Variants in CEP290 observed in about 807,000 individuals in gnomAD.
CEP290 encodes the protein centrosomal protein of 290 kDa.
In CEP290, 317 loss-of-function variants were observed where a neutral mutation model predicts 344.9. That is an observed-to-expected ratio of 0.92 (90% CI 0.84 to 1.01). The LOEUF is 1.01. Ranked by LOEUF, CEP290 falls within the 50% of genes least tolerant of loss-of-function variation. The pLI is 0.00. For missense variants in CEP290, 2,754 were observed against 2,761.4 expected (o/e 1.00, Z 0.06); for synonymous variants, 932 against 895.8 (o/e 1.04, Z -0.72).
chr12:88,050,003 C>G (rs1375430997), intron 53 of CEP290: 1 of 187,028 alleles, frequency 5.3e-6, no homozygotes, highest in African/African-American at 2.4e-5. Context: ...AGAGGTAAAA[C>G]AGCAAATATT....
At chr12:88,139,601 A>C (rs1446794910) in intron 3 of CEP290, 37 bp from the exon 4 acceptor site, 1 of 1,390,888 alleles carries the variant, frequency 7.2e-7, no homozygotes, top group Non-Finnish European at 9.5e-7. Flanking sequence ...ATATGCCTTT[A>C]TACTGGAATG....
chr12:88,101,480 C>CAAA (rs762783922), intron 26 of CEP290, among the ~76,000 whole-genome samples: 17 of 44,216 alleles, frequency 3.8e-4, no homozygotes, highest in Non-Finnish European at 5.8e-4. Context: ...GACTCTGCCT[C>CAAA]AAAAAAAAAA....
intron 20 of CEP290, among the ~76,000 whole-genome samples, chr12:88,113,773 T>C (rs1443898674): frequency 1.6e-4 from 25 of 151,912 alleles, no homozygotes; most frequent in Admixed American, 1.6e-3. Context: ...GGCTAAATCT[T>C]TCTTGTAGCA....
At chr12:88,055,934 T>C (rs2033966766) in intron 49 of CEP290, among the ~76,000 whole-genome samples, 2 of 152,134 alleles carry the variant, frequency 1.3e-5, no homozygotes, top group African/African-American at 4.8e-5. Flanking sequence ...AATAAAGGAT[T>C]TGGGTATTTT....
intron 26 of CEP290, among the ~76,000 whole-genome samples, chr12:88,102,517 C>A (rs1344722333): frequency 2.0e-5 from 3 of 152,098 alleles, no homozygotes; most frequent in Admixed American, 6.5e-5. Flanking sequence ...CTGTTTCATG[C>A]TCCTTTTTCT....
intron 20 of CEP290, among the ~76,000 whole-genome samples, chr12:88,112,898 G>A (rs1278390869): frequency 6.6e-6 from 1 of 152,058 alleles, no homozygotes; most frequent in African/African-American, 2.4e-5. Flanking sequence ...GAATAGTGCC[G>A]TGTCTACATG....
intron 29 of CEP290, 148 bp downstream of exon 29, chr12:88,092,533 C>A (rs2037129877): frequency 3.5e-6 from 2 of 573,926 alleles, no homozygotes; most frequent in Non-Finnish European, 5.6e-6. Context: ...CCTGTTAAAA[C>A]CGATCTTAAT....
At chr12:88,139,225 T>C in intron 4 of CEP290, 34 bp from the exon 5 acceptor site, 3 of 874,092 alleles carry the variant, frequency 3.4e-6, no homozygotes, top group Non-Finnish European at 5.1e-6. Flanking sequence ...AACGTTTTAA[T>C]TGATTAGTTA....
At chr12:88,101,981 A>G (rs2037926743) in intron 26 of CEP290, among the ~76,000 whole-genome samples, 1 of 152,186 alleles carries the variant, frequency 6.6e-6, no homozygotes, top group African/African-American at 2.4e-5. Flanking sequence ...GCTACTCAGA[A>G]CAACGTTTTC....
intron 26 of CEP290, among the ~76,000 whole-genome samples, chr12:88,098,323 G>T (rs574651982): frequency 7.2e-6 from 1 of 139,590 alleles, no homozygotes; most frequent in Non-Finnish European, 1.6e-5. Context: ...AAAAAAGTCA[G>T]TATCGACCAG....
At chr12:88,071,010 G>A (rs1257887331) in intron 43 of CEP290, among the ~76,000 whole-genome samples, 3 of 152,134 alleles carry the variant, frequency 2.0e-5, no homozygotes, top group Non-Finnish European at 4.4e-5. Flanking sequence ...AAATGAGGTT[G>A]GAACTTGTGG....
intron 37 of CEP290, among the ~76,000 whole-genome samples, chr12:88,080,632 G>A (rs2036133238): frequency 6.6e-6 from 1 of 152,106 alleles, no homozygotes; most frequent in Non-Finnish European, 1.5e-5. Context: ...GTTTCACCAT[G>A]TTGGCCAGGC....
intron 40 of CEP290, 48 bp from the exon 41 acceptor site, chr12:88,077,392 A>G: frequency 8.3e-7 from 1 of 1,210,006 alleles, no homozygotes. Context: ...AATGTAAAAC[A>G]AAATAGACAG....
intron 20 of CEP290, among the ~76,000 whole-genome samples, chr12:88,113,354 C>G (rs576201446): frequency 2.0e-5 from 3 of 152,042 alleles, no homozygotes; most frequent in African/African-American, 7.2e-5. Context: ...TTCAAAGTGG[C>G]AGAGGCAAAA....
intron 10 of CEP290, 27 bp from the exon 11 acceptor site, chr12:88,129,062 TGTTGCAAAC>T: frequency 7.4e-7 from 1 of 1,357,984 alleles, no homozygotes; most frequent in Non-Finnish European, 9.9e-7. Context: ...TTTCAAGAGT[TGTTGCAAAC>T]TGATGTAACA....
At chr12:88,111,953 A>G (rs1176460483) in intron 20 of CEP290, 95 bp from the exon 21 acceptor site, 1 of 814,288 alleles carries the variant, frequency 1.2e-6, no homozygotes, top group African/African-American at 1.8e-5. Flanking sequence ...ACATTTAAGC[A>G]TTTTCCTATT....
At chr12:88,119,251 A>C (rs2039257896) in intron 15 of CEP290, among the ~76,000 whole-genome samples, 1 of 152,210 alleles carries the variant, frequency 6.6e-6, no homozygotes, top group Admixed American at 6.5e-5. Flanking sequence ...ACAAATGATC[A>C]TTTTTAACTA....
At chr12:88,112,915 G>A (rs1337775908) in intron 20 of CEP290, among the ~76,000 whole-genome samples, 1 of 152,008 alleles carries the variant, frequency 6.6e-6, no homozygotes, top group Non-Finnish European at 1.5e-5. Context: ...CATGGACTTT[G>A]GTAAAATGAG....
At chr12:88,051,954 G>A (rs1256134281) in intron 52 of CEP290, among the ~76,000 whole-genome samples, 1 of 152,164 alleles carries the variant, frequency 6.6e-6, no homozygotes, top group East Asian at 1.9e-4. Context: ...GAGCTGTGGA[G>A]TTTCATACAT....
Sources: allele counts gnomAD v4.1 joint callset (sites outside exome capture counted in the v4.1 genomes callset), GRCh38; gene constraint gnomAD v4.1.1; transcripts MANE v1.5; gene names NCBI Gene and HGNC (gene_info 2026-07-23, HGNC 2026-07-21).